Variants in NOL4 observed in about 807,000 individuals in gnomAD.
The protein encoded by NOL4 is cancer/testis antigen 125.
Under a neutral mutation model 75.9 loss-of-function variants are expected in NOL4, and 17 were observed. The observed-to-expected ratio is 0.22, with a 90% CI of 0.15 to 0.34. The LOEUF (loss-of-function observed/expected upper bound fraction) is 0.34. NOL4 is among the 10% of genes least tolerant of loss of function. NOL4 has a pLI of 1.00. For synonymous variants in NOL4, 292 were observed against 289.9 expected (o/e 1.01, Z -0.07); for missense variants, 614 against 793.5 (o/e 0.77, Z 2.72).
chr18:34,082,208 G>A (rs1036304795), intron 5 of NOL4, among the ~76,000 whole-genome samples: 3 of 152,136 alleles, frequency 2.0e-5, no homozygotes, highest in Admixed American at 2.0e-4. Flanking sequence ...AATAAATGCG[G>A]TGGTTACACA....
At chr18:34,010,079 G>C (rs1297358408) in intron 6 of NOL4, among the ~76,000 whole-genome samples, 1 of 147,932 alleles carries the variant, frequency 6.8e-6, no homozygotes, top group African/African-American at 2.4e-5. Context: ...CTAACCCTAA[G>C]ATCGCCATTT....
intron 6 of NOL4, among the ~76,000 whole-genome samples, chr18:33,975,545 G>A (rs1009201721): frequency 4.6e-5 from 7 of 152,098 alleles, no homozygotes; most frequent in East Asian, 3.9e-4. Flanking sequence ...AGGCCAAGGC[G>A]GGCAGATCAC....
At chr18:33,932,181 C>A (rs1463171538) in intron 9 of NOL4, among the ~76,000 whole-genome samples, 2 of 151,944 alleles carry the variant, frequency 1.3e-5, no homozygotes, top group Non-Finnish European at 2.9e-5. Context: ...ATATTACTTT[C>A]TTTAATGTAT....
chr18:33,881,232 C>A lies in NOL4; in HGVS notation c.1723+2012G>T, dbSNP rs546139909. On this transcript the variant is annotated intron_variant, in intron 10 of 10. Transcript: ENST00000261592. ...ATTGATTTTGTATCCTGAGACTTTG[C>A]TGAAGTTGCTTATCAGCTTAAGGAG... 8.2e-4 allele frequency among the ~76,000 whole-genome samples: 124 copies of A among 150,502 alleles called. 1 individual carries two copies. The highest frequency in any genetic ancestry group is 3.0e-3 in the African/African-American group (121 of 40,804).
At chr18:33,972,306 A>T (rs2071131592) in intron 6 of NOL4, among the ~76,000 whole-genome samples, 1 of 152,204 alleles carries the variant, frequency 6.6e-6, no homozygotes, top group African/African-American at 2.4e-5. Flanking sequence ...TGATTAAAAA[A>T]TGAGCAAAGT....
intron 10 of NOL4, among the ~76,000 whole-genome samples, chr18:33,869,975 C>T (rs1252062973): frequency 6.6e-6 from 1 of 152,078 alleles, no homozygotes; most frequent in East Asian, 1.9e-4. Flanking sequence ...ATGTTAATGC[C>T]TGTCTCCTCA....
At chr18:34,221,435 C>T (rs1039366883) in intron 1 of NOL4, 1 of 152,106 alleles carries the variant, frequency 6.6e-6, no homozygotes, top group African/African-American at 2.4e-5. Flanking sequence ...AGATTTCTGG[C>T]TCATCCAGAT....
At chr18:34,085,189 T>C (rs2078191093) in intron 5 of NOL4, among the ~76,000 whole-genome samples, 1 of 152,212 alleles carries the variant, frequency 6.6e-6, no homozygotes, top group Non-Finnish European at 1.5e-5. Flanking sequence ...ATCTCTCCAG[T>C]TGTTATGAGG....
At chr18:34,112,393 A>T (rs2079636877) in intron 2 of NOL4, among the ~76,000 whole-genome samples, 1 of 152,066 alleles carries the variant, frequency 6.6e-6, no homozygotes, top group Admixed American at 6.6e-5. Flanking sequence ...ATATGGGGAC[A>T]ATATAAGTGT....
intron 10 of NOL4, among the ~76,000 whole-genome samples, chr18:33,854,973 T>C (rs1462579817): frequency 6.6e-6 from 1 of 152,066 alleles, no homozygotes; most frequent in Non-Finnish European, 1.5e-5. Flanking sequence ...AGACCTTTGT[T>C]AGCACAGGCA....
intron 10 of NOL4, among the ~76,000 whole-genome samples, chr18:33,865,087 C>A (rs573781414): frequency 4.6e-4 from 70 of 152,180 alleles, no homozygotes; most frequent in African/African-American, 1.6e-3. Flanking sequence ...ATCAATAGTA[C>A]CTAGACAATT....
chr18:34,191,301 T>C (rs555952063), intron 1 of NOL4, among the ~76,000 whole-genome samples: 5 of 152,280 alleles, frequency 3.3e-5, no homozygotes, highest in African/African-American at 1.2e-4. Flanking sequence ...TACACTATAC[T>C]ATATAAAATA....
intron 6 of NOL4, among the ~76,000 whole-genome samples, chr18:33,968,109 T>A (rs1164590040): frequency 2.6e-5 from 4 of 151,154 alleles, no homozygotes; most frequent in South Asian, 2.1e-4. Flanking sequence ...AATAAATAAA[T>A]AAAAATTAAA....
intron 5 of NOL4, among the ~76,000 whole-genome samples, chr18:34,062,885 A>G (rs1478842685): frequency 6.6e-6 from 1 of 152,096 alleles, no homozygotes. Flanking sequence ...CCCAAACCAA[A>G]AACGTTGCTA....
chr18:34,097,869 A>T (rs1206698421), intron 4 of NOL4, among the ~76,000 whole-genome samples: 2 of 152,182 alleles, frequency 1.3e-5, no homozygotes, highest in Non-Finnish European at 2.9e-5. Context: ...AGTTTTTAAT[A>T]ATTATCATCA....
intron 6 of NOL4, among the ~76,000 whole-genome samples, chr18:33,981,415 T>TAAAG (rs1259736378): frequency 1.3e-5 from 2 of 151,718 alleles, no homozygotes. Context: ...AAATTAATGA[T>TAAAG]AAAGAAAAAT....
At chr18:34,222,346 G>C (rs1384543810) in intron 1 of NOL4, 4 of 1,267,258 alleles carry the variant, frequency 3.2e-6, no homozygotes, top group South Asian at 4.4e-5. Flanking sequence ...AAGGGAATGG[G>C]GGGGCGGGGA....
At chr18:33,861,538 A>G (rs1455026981) in intron 10 of NOL4, among the ~76,000 whole-genome samples, 1 of 151,848 alleles carries the variant, frequency 6.6e-6, no homozygotes, top group Non-Finnish European at 1.5e-5. Context: ...TTTCTTTATT[A>G]GTCTTGCTAG....
At chr18:33,887,169 T>G (rs1441955834) in intron 9 of NOL4, among the ~76,000 whole-genome samples, 2 of 145,640 alleles carry the variant, frequency 1.4e-5, no homozygotes, top group African/African-American at 5.0e-5. Context: ...TATATATATA[T>G]AGATGTATCT....
Sources: gnomAD v4.1 joint callset for allele counts (sites outside exome capture counted in the v4.1 genomes callset) on GRCh38, gnomAD v4.1.1 for gene constraint, MANE v1.5 for transcripts, NCBI Gene and HGNC (gene_info 2026-07-23, HGNC 2026-07-21) for gene names.